TTN: variants seen among roughly 807,000 people sequenced by gnomAD.
TTN encodes the protein titin.
TTN carries 1,525 observed loss-of-function variants against 3,223.0 expected under a neutral mutation model. The ratio of observed to expected loss-of-function variants is 0.47; its 90% CI spans 0.45 to 0.49. TTN has a LOEUF of 0.49. Among genes scored for constraint, TTN ranks in the 20% least tolerant of loss-of-function variants. TTN has a pLI of 0.00. For synonymous variants in TTN, 14,094 were observed against 15,161.0 expected (o/e 0.93, Z 5.17); for missense variants, 40,786 against 43,424.0 (o/e 0.94, Z 5.40).
intron 236 of TTN, 133 bp from the exon 237 acceptor site, chr2:178,631,433 C>G: frequency 1.0e-6 from 1 of 979,430 alleles, no homozygotes; most frequent in Non-Finnish European, 1.5e-6. Context: ...AATCATTTAA[C>G]CTGTTTATGT....
At chr2:178,728,455 G>A (rs2079759295) in intron 66 of TTN, 45 bp downstream of exon 66, 1 of 1,586,230 alleles carries the variant, frequency 6.3e-7, no homozygotes, top group Non-Finnish European at 8.6e-7. Flanking sequence ...GTTTACAAAG[G>A]ACATACTATA....
Position 178,681,422 on chromosome 2 carries a change from T to A in TTN, c.33201A>T (p.Lys11067Asn). Reference sequence around the variant, plus strand: ...GTTTCTTAGGAATGGGCACTGGTACTTTTTCTTCAGGGACAGCTTTCTTCA... The same window carrying A: ...GTTTCTTAGGAATGGGCACTGGTACATTTTCTTCAGGGACAGCTTTCTTCA... ...KVLKKAVPEE[K>N]VPVPIPKKLK... Residue 11067 changes from lysine to asparagine, a missense_variant, in exon 137 of 363, where the codon AAA (lysine) becomes AAT (asparagine). Lys to Asn is a moderately conservative substitution (Grantham distance 94). Transcript: ENST00000589042. The A allele has an allele frequency of 6.2e-7, 1 of 1,612,288 alleles. No homozygotes were observed. The highest frequency in any genetic ancestry group is 8.5e-7 in the Non-Finnish European group (1 of 1,178,990).
chr2:178,559,072 CAAT>C, intron 326 of TTN: 1 of 354,580 alleles, frequency 2.8e-6, no homozygotes, highest in East Asian at 5.4e-5. Flanking sequence ...CAGTTAGATT[CAAT>C]AATACTTAAA....
rs2092847521 is a variant in TTN at position 178,782,237 on chromosome 2, C to T, written c.3355G>A (p.Gly1119Ser). 1 of 1,614,032 alleles carries T rather than the reference C, an allele frequency of 6.2e-7. No individual in the cohort carries two copies. The highest frequency in any genetic ancestry group is 8.5e-7 in the Non-Finnish European group (1 of 1,179,980). Residue 1119 changes from glycine (G) to serine (S), a missense_variant, in exon 20 of 363, where the codon GGT (glycine) becomes AGT (serine). Coordinates refer to ENST00000589042, the MANE Select transcript of TTN (RefSeq NM_001267550.2). Reference protein sequence around the residue: ...PKPHVYWKKSGVPLTTGYRYK... With the variant: ...PKPHVYWKKSSVPLTTGYRYK... ...CTGTATCCAGTGGTTAGAGGAACAC[C>T]AGATTTTTTCCAGTATACATGGGGC...
rs1553597198 is a variant in TTN, at chr2:178,568,057, G to T, written c.78075C>A (p.Tyr26025Ter). Residue 26025 changes from tyrosine to a stop codon, truncating the protein, a stop_gained, in exon 326 of 363, where the codon TAC becomes TAA. Coordinates refer to ENST00000589042, the MANE Select transcript of TTN (RefSeq NM_001267550.2). LOFTEE classifies it high-confidence loss of function. ...VNNGGSPVIG[Y>*]HLERKERNSI... ...TGTTTCTTTCTTTTCTCTCCAGGTGGTAACCTATGACGGGGCTTCCACCAT... is the reference window on the plus strand; with the variant it reads ...TGTTTCTTTCTTTTCTCTCCAGGTGTTAACCTATGACGGGGCTTCCACCAT... 2 of 1,613,316 alleles carry T rather than the reference G, an allele frequency of 1.2e-6. No homozygotes were observed. Among genetic ancestry groups the T allele is most frequent in the Non-Finnish European group, 1.7e-6 (2 of 1,179,574 alleles).
rs1210761677 is a variant in TTN at position 178,581,614 on chromosome 2, C to G, written c.66654G>C (p.Glu22218Asp). ...GTGTGTCTTCCATCAGGCCAGTAAC[C>G]TCAAAGCGGGTTTTCTGTAGATTCT... ...LPQNLQKTRF[E>D]VTGLMEDTQY... Residue 22218 changes from glutamate to aspartate, a missense_variant, in exon 316 of 363, where the codon GAG becomes GAC. Glu to Asp is a conservative substitution (Grantham distance 45). Transcript: ENST00000589042. The G allele has an allele frequency of 3.1e-6, 5 of 1,612,782 alleles. No homozygotes were observed. The highest frequency in any genetic ancestry group is 1.7e-6 in the Non-Finnish European group (2 of 1,179,240).
At chr2:178,597,348 C>T (rs1376057403) in intron 294 of TTN, among the ~76,000 whole-genome samples, 190 bp downstream of exon 294, 2 of 151,984 alleles carry the variant, frequency 1.3e-5, no homozygotes, top group East Asian at 3.9e-4. Flanking sequence ...CTTACACCCA[C>T]CATACAGAAT....
intron 33 of TTN, among the ~76,000 whole-genome samples, chr2:178,772,701 A>G (rs909836436): frequency 6.6e-6 from 1 of 152,232 alleles, no homozygotes; most frequent in African/African-American, 2.4e-5. Flanking sequence ...GCAAACACCA[A>G]TTGATTATCT....
In TTN at chr2:178,537,586, A is replaced by G. The variant is rs753176107; in HGVS notation, c.99621T>C (p.Tyr33207=). The G allele has an allele frequency of 8.1e-6, 13 of 1,613,596 alleles. No homozygotes were observed. The highest frequency in any genetic ancestry group is 7.6e-6 in the Non-Finnish European group (9 of 1,179,722). The change falls in exon 355 of 363, where the codon TAT becomes TAC. Residue 33207 remains tyrosine, a synonymous_variant. Transcript: ENST00000589042. ...HPGYPLKEKY[Y]GAVGSTLRLH... ...GCCGAAGTGTGGAACCCACAGCTCCATAATATTTCTCTTTCAGTGGGTAAC... is the reference window on the plus strand; with the variant it reads ...GCCGAAGTGTGGAACCCACAGCTCCGTAATATTTCTCTTTCAGTGGGTAAC...
At position 178,723,648 on chromosome 2, in the gene TTN, C is replaced by A; in HGVS notation, c.21452G>T (p.Gly7151Val). The A allele has an allele frequency of 6.2e-7, 1 of 1,607,754 alleles. No individual in the cohort carries two copies. Among genetic ancestry groups the A allele is most frequent in the African/African-American group, 1.3e-5 (1 of 74,720 alleles). ...AACGCTTGTGAAGGTTACATTTTTG[C>A]CTGGTAGTACTTCCAAAGGTTCAGG... Reference protein sequence around the residue: ...KEPEPLEVLPGKNVTFTSVIR... With the variant: ...KEPEPLEVLPVKNVTFTSVIR... Residue 7151 changes from glycine to valine, a missense_variant, in exon 74 of 363, where the codon GGC becomes GTC. By Grantham distance (109) the Gly-to-Val change is moderately radical. Transcript: ENST00000589042.
Position 178,589,843 on chromosome 2 carries a change from T to C in TTN, c.61882A>G (p.Ile20628Val), listed in dbSNP as rs778583635. The change falls in exon 304 of 363, where the codon ATC becomes GTC. Residue 20628 changes from isoleucine (I) to valine (V), a missense_variant. Coordinates refer to ENST00000589042, the MANE Select transcript of TTN (RefSeq NM_001267550.2). ...IVASDVTKRLIKANLLANNEY... is the reference protein window; with the variant it reads ...IVASDVTKRLVKANLLANNEY... Reference sequence around the variant, plus strand: ...TTGTTGGCTAAAAGGTTGGCCTTGATTAATCGTTTAGTGACATCTGATGCA... The same window carrying C: ...TTGTTGGCTAAAAGGTTGGCCTTGACTAATCGTTTAGTGACATCTGATGCA... 6.2e-7 allele frequency: 1 copy of C among 1,613,514 alleles called. No individual in the cohort carries two copies. Among genetic ancestry groups the C allele is most frequent in the East Asian group, 2.2e-5 (1 of 44,768 alleles).
Position 178,727,600 on chromosome 2 carries a change from T to C in TTN, c.19978A>G (p.Met6660Val), listed in dbSNP as rs780339252. ...NDVGSDSCTTMLLVTEPPKFV... is the reference protein window; with the variant it reads ...NDVGSDSCTTVLLVTEPPKFV... ...ATTTGCACACCTGTCACAAGCAACATCGTAGTACAAGAGTCGCTACCAACA... is the reference window on the plus strand; with the variant it reads ...ATTTGCACACCTGTCACAAGCAACACCGTAGTACAAGAGTCGCTACCAACA... The change falls in exon 68 of 363, where the codon ATG (methionine) becomes GTG (valine). Residue 6660 changes from methionine (M) to valine (V), a missense_variant. By Grantham distance (21) the Met-to-Val change is conservative. Transcript: ENST00000589042. 1 of 1,578,096 alleles carries C rather than the reference T, an allele frequency of 6.3e-7. No individual in the cohort carries two copies. The highest frequency in any genetic ancestry group is 1.2e-5 in the South Asian group (1 of 84,222).
chr2:178,545,570 C>T lies in TTN; in HGVS notation c.95540G>A (p.Arg31847His), dbSNP rs771179752. 4.5e-5 allele frequency: 72 copies of T among 1,613,630 alleles called. No individual in the cohort carries two copies. The Middle Eastern group carries it at 6.6e-4, about 15-fold the overall frequency. Residue 31847 changes from arginine to histidine, a missense_variant, in exon 344 of 363, where the codon CGT becomes CAT. Arg to His is a conservative substitution (Grantham distance 29). Coordinates refer to ENST00000589042, the MANE Select transcript of TTN (RefSeq NM_001267550.2). Reference protein sequence around the residue: ...NEISNYLVDKREKKSLRWTRV... With the variant: ...NEISNYLVDKHEKKSLRWTRV... Reference sequence around the variant, plus strand: ...TGTCCAGCGCAGGCTCTTCTTCTCACGTTTGTCTACTAGGTAGTTGCTGAT... The same window carrying T: ...TGTCCAGCGCAGGCTCTTCTTCTCATGTTTGTCTACTAGGTAGTTGCTGAT...
In TTN at chr2:178,703,986, T is replaced by C. The variant is rs139937008; in HGVS notation, c.30223+161A>G. ...CTCATTTGAATATTTCCCTTGTGCTTTTGTATGAACTTTGAGATGAATACT... is the reference window on the plus strand; with the variant it reads ...CTCATTTGAATATTTCCCTTGTGCTCTTGTATGAACTTTGAGATGAATACT... On this transcript the variant is annotated intron_variant, in intron 106 of 362. Transcript: ENST00000589042. Among the ~76,000 whole-genome samples, 465 of 152,316 alleles carry C rather than the reference T, an allele frequency of 3.1e-3. 5 individuals are homozygous for C. Among genetic ancestry groups the C allele is most frequent in the Non-Finnish European group, 2.1e-3 (140 of 68,028 alleles).
At chr2:178,803,840 AT>A (rs1249621146) in intron 2 of TTN, among the ~76,000 whole-genome samples, 1 of 152,008 alleles carries the variant, frequency 6.6e-6, no homozygotes, top group African/African-American at 2.4e-5. Flanking sequence ...GATACCATGC[AT>A]TTTTTTGAAC....
In TTN at chr2:178,728,523, C is replaced by G. The variant is rs776818687; in HGVS notation, c.19403G>C (p.Cys6468Ser). Residue 6468 changes from cysteine (C) to serine (S), a missense_variant, in exon 66 of 363, where the codon TGT becomes TCT. By Grantham distance (112) the Cys-to-Ser change is moderately radical. Coordinates refer to ENST00000589042, the MANE Select transcript of TTN (RefSeq NM_001267550.2). ...ACCTAGCACTCTTAAGTAGGCATCA[C>G]AGCTACTGCTTCCGAAGTCATTTTC... Reference protein sequence around the residue: ...KVENDFGSSSCDAYLRVLDQN... With the variant: ...KVENDFGSSSSDAYLRVLDQN... 2 of 1,611,702 alleles carry G rather than the reference C, an allele frequency of 1.2e-6. No homozygotes were observed. Among genetic ancestry groups the G allele is most frequent in the Admixed American group, 1.7e-5 (1 of 59,818 alleles).
chr2:178,715,795 A>T (rs368419249), intron 88 of TTN, 21 bp from the exon 89 acceptor site: 1 of 1,561,100 alleles, frequency 6.4e-7, no homozygotes, highest in Non-Finnish European at 8.7e-7. Context: ...AAGAGGAAAA[A>T]CACAGGGTAA....
chr2:178,742,059 A>G, intron 47 of TTN, 138 bp from the exon 48 acceptor site: 1 of 737,846 alleles, frequency 1.4e-6, no homozygotes, highest in Non-Finnish European at 1.9e-6. Context: ...AGATTAATGT[A>G]TCAAAAAGCA....
chr2:178,572,438 G>A lies in TTN; in HGVS notation c.73694C>T (p.Ala24565Val), dbSNP rs865844614. ...GCAGTTTGTTGCAACAGTTGAATAT[G>A]CTTTTCTTGTTGATTCCCGCTTTTC... ...IVEKRESTRK[A>V]YSTVATNCHK... The change falls in exon 326 of 363, where the codon GCA (alanine) becomes GTA (valine). Residue 24565 changes from alanine to valine, a missense_variant. Ala to Val is a moderately conservative substitution (Grantham distance 64, BLOSUM62 0). Coordinates refer to ENST00000589042, the MANE Select transcript of TTN (RefSeq NM_001267550.2). 3.1e-6 allele frequency: 5 copies of A among 1,612,610 alleles called. No homozygotes were observed. The Middle Eastern group carries it at 6.6e-4, about 213-fold the overall frequency.
Sources: gnomAD v4.1 joint callset for allele counts (sites outside exome capture counted in the v4.1 genomes callset) on GRCh38, gnomAD v4.1.1 for gene constraint, MANE v1.5 for transcripts, NCBI Gene and HGNC (gene_info 2026-07-23, HGNC 2026-07-21) for gene names.